The following STK24 variants were observed in gnomAD, a reference collection of about 807,000 sequenced individuals.
STK24 encodes the protein serine/threonine-protein kinase 24.
Under a neutral mutation model 55.6 loss-of-function variants are expected in STK24, and 21 were observed. The observed-to-expected ratio is 0.38, with a 90% CI of 0.27 to 0.54. The LOEUF (loss-of-function observed/expected upper bound fraction) is 0.54. STK24 is among the 20% of genes least tolerant of loss of function. The pLI is 0.79. For missense variants in STK24, 383 were observed against 538.4 expected (o/e 0.71, Z 2.86); for synonymous variants, 200 against 215.2 (o/e 0.93, Z 0.62).
chr13:98,572,171 C>T (rs147782814), intron 1 of STK24, among the ~76,000 whole-genome samples: 4 of 152,322 alleles, frequency 2.6e-5, no homozygotes, highest in African/African-American at 9.6e-5. Context: ...AGCAGGCAGC[C>T]GACCTCTTGA....
intron 3 of STK24, among the ~76,000 whole-genome samples, chr13:98,476,179 T>A (rs1894363888): frequency 6.6e-6 from 1 of 151,884 alleles, no homozygotes; most frequent in Non-Finnish European, 1.5e-5. Context: ...GGTATCCACA[T>A]CTCCATTTAA....
chr13:98,474,949 C>T lies in STK24; in HGVS notation c.469G>A (p.Glu157Lys), dbSNP rs1894306032. 4.3e-6 allele frequency: 7 copies of T among 1,613,604 alleles called. No homozygotes were observed. Among genetic ancestry groups the T allele is most frequent in the Non-Finnish European group, 5.9e-6 (7 of 1,179,780 alleles). The change falls in exon 5 of 11, where the codon GAG (glutamate) becomes AAG (lysine). Residue 157 changes from glutamate to lysine, a missense_variant. Physicochemically the swap from Glu to Lys is moderately conservative, Grantham distance 56. Transcript: ENST00000539966. ...AANVLLSEHG[E>K]VKLADFGVAG... The stretch of plus-strand genomic sequence containing the variant: ...ACGCCAAAGTCCGCCAGCTTCACCT[C>T]GCCATGCTCAGACAGCAGGACGTTG...
chr13:98,562,168 G>A (rs780352153), intron 1 of STK24, among the ~76,000 whole-genome samples: 1 of 152,202 alleles, frequency 6.6e-6, no homozygotes, highest in Non-Finnish European at 1.5e-5. Context: ...TTAAGGAAAT[G>A]TGTGTACGCA....
At chr13:98,574,584 T>C (rs1754742474) in intron 1 of STK24, among the ~76,000 whole-genome samples, 1 of 152,196 alleles carries the variant, frequency 6.6e-6, no homozygotes, top group African/African-American at 2.4e-5. Context: ...AATGATACAC[T>C]GTTACCATAC....
At chr13:98,504,096 TTTTTAC>T (rs1403483084) in intron 2 of STK24, among the ~76,000 whole-genome samples, 1 of 152,228 alleles carries the variant, frequency 6.6e-6, no homozygotes, top group Non-Finnish European at 1.5e-5. Flanking sequence ...TCCAAAGATA[TTTTTAC>T]TTTTAAACAG....
rs539295682 is a variant in STK24, at chr13:98,522,099, G to T, written c.43-2626C>A. On this transcript the variant is annotated intron_variant, in intron 1 of 10. Coordinates refer to ENST00000539966, the MANE Select transcript of STK24 (RefSeq NM_001032296.4). ...TGCAGCCTGGCTCCGCTCTGGATCC[G>T]GTCACCAGTGCTGCAATGTCGTGTC... 7.4e-4 allele frequency: 982 copies of T among 1,329,170 alleles called. 3 individuals carry two copies. The highest frequency in any genetic ancestry group is 9.0e-4 in the Non-Finnish European group (935 of 1,035,870). The allele number at this position is 1,329,170 out of a possible 1,614,324, so 82.3% of individuals were successfully genotyped here. A position where few individuals can be genotyped will look rare whatever the true frequency, so the allele number is the denominator to read the frequency against.
At chr13:98,563,339 C>T (rs1304602237) in intron 1 of STK24, among the ~76,000 whole-genome samples, 2 of 152,122 alleles carry the variant, frequency 1.3e-5, no homozygotes, top group Non-Finnish European at 2.9e-5. Context: ...GGACCGAGGC[C>T]AGGAAATGCA....
intron 6 of STK24, among the ~76,000 whole-genome samples, chr13:98,464,040 G>T (rs547750787): frequency 6.6e-6 from 1 of 152,286 alleles, no homozygotes; most frequent in Admixed American, 6.5e-5. Flanking sequence ...GGTGGGCAGG[G>T]CACTGTCTTT....
rs138612803 is a variant in STK24, at chr13:98,490,585, G to A, written c.274-8264C>T. Among the ~76,000 whole-genome samples the A allele has an allele frequency of 7.3e-3, 1,118 of 152,196 alleles. 13 individuals are homozygous for A. Among genetic ancestry groups the A allele is most frequent in the African/African-American group, 0.025 (1,046 of 41,510 alleles). On this transcript the variant is annotated intron_variant, in intron 2 of 10. Transcript: ENST00000539966. ...ACATACAATACTAAGTTGGACTAAC[G>A]TCCAGGGTCAAAGCTTCCACGTGAT...
intron 6 of STK24, among the ~76,000 whole-genome samples, chr13:98,464,370 G>T (rs1315871497): frequency 6.6e-6 from 1 of 151,624 alleles, no homozygotes; most frequent in Non-Finnish European, 1.5e-5. Context: ...AGGGAGCCGA[G>T]ATCGCGCCAC....
At chr13:98,537,315 T>A (rs1244057563) in intron 1 of STK24, among the ~76,000 whole-genome samples, 1 of 152,050 alleles carries the variant, frequency 6.6e-6, no homozygotes, top group Non-Finnish European at 1.5e-5. Flanking sequence ...TCATCTGGAG[T>A]GGGGCCTTCC....
chr13:98,547,910 C>T (rs973844900), intron 1 of STK24, among the ~76,000 whole-genome samples: 2 of 152,236 alleles, frequency 1.3e-5, no homozygotes, highest in African/African-American at 4.8e-5. Context: ...CTTATCCACA[C>T]AGAGCAAACT....
intron 8 of STK24, 108 bp from the exon 9 acceptor site, chr13:98,460,548 A>G (rs1893660913): frequency 1.2e-6 from 1 of 855,786 alleles, no homozygotes; most frequent in Admixed American, 2.2e-5. Flanking sequence ...TTGCCTCTAC[A>G]CTTCACGCTG....
Position 98,449,015 on chromosome 13 carries a change from A to G in STK24, c.*4158T>C. The stretch of plus-strand genomic sequence containing the variant: ...AACCGTAGCAGGGTTGTTTTCTGTT[A>G]AGCAAAGCCGAGATCCAGTGCAATA... On this transcript the variant is annotated 3_prime_UTR_variant, in exon 11 of 11. Transcript: ENST00000539966. 1 of 152,168 alleles carries G rather than the reference A, an allele frequency of 6.6e-6. No homozygotes were observed. Among genetic ancestry groups the G allele is most frequent in the East Asian group, 1.9e-4 (1 of 5,188 alleles). 9.4% of individuals were successfully genotyped at this position (152,168 alleles called of 1,614,324 possible).
At position 98,519,594 on chromosome 13, in the gene STK24, T is replaced by A. The variant is rs972143111; in HGVS notation, c.43-121A>T. 7.5e-6 allele frequency: 6 copies of A among 804,888 alleles called. No homozygotes were observed. In the African/African-American group the frequency reaches 1.0e-4, roughly 14 times the overall value. The allele number at this position is 804,888 out of a possible 1,614,324, so 49.9% of individuals were successfully genotyped here. On this transcript the variant is annotated intron_variant, in intron 1 of 10. Coordinates refer to ENST00000539966, the MANE Select transcript of STK24 (RefSeq NM_001032296.4). ...CTTCCAGGGACTCATCTATTTTCTG[T>A]GTCCAGCATCAGGCTGGTGGTGACC...
At chr13:98,528,197 C>T (rs528527807) in intron 1 of STK24, among the ~76,000 whole-genome samples, 6 of 152,308 alleles carry the variant, frequency 3.9e-5, no homozygotes, top group South Asian at 2.1e-4. Context: ...CTACACAGAA[C>T]GGCCATGACC....
intron 2 of STK24, among the ~76,000 whole-genome samples, chr13:98,497,507 TGAAA>T (rs537905991): frequency 2.6e-5 from 4 of 152,300 alleles, no homozygotes; most frequent in African/African-American, 7.2e-5. Context: ...CAGGACGCCA[TGAAA>T]GAGAGGTCAG....
intron 3 of STK24, among the ~76,000 whole-genome samples, chr13:98,477,428 T>C (rs529305846): frequency 2.0e-5 from 3 of 152,174 alleles, no homozygotes; most frequent in East Asian, 1.9e-4. Context: ...TCCCAGCACT[T>C]TGGGAGGCCG....
chr13:98,556,723 C>T (rs574960568), intron 1 of STK24, among the ~76,000 whole-genome samples: 46 of 152,196 alleles, frequency 3.0e-4, no homozygotes, highest in South Asian at 8.3e-4. Flanking sequence ...GGCTTCTACC[C>T]GATTTTTGCA....
Sources: allele counts gnomAD v4.1 joint callset (sites outside exome capture counted in the v4.1 genomes callset), GRCh38; gene constraint gnomAD v4.1.1; transcripts MANE v1.5; gene names NCBI Gene and HGNC (gene_info 2026-07-23, HGNC 2026-07-21).